TASP1: variants seen among roughly 807,000 people sequenced by gnomAD.
TASP1 encodes taspase 1.
TASP1 carries 16 observed loss-of-function variants against 56.6 expected under a neutral mutation model. The observed-to-expected ratio is 0.28, with a 90% confidence interval of 0.19 to 0.43. TASP1 has a LOEUF of 0.43. Ranked by LOEUF, TASP1 falls within the 20% of genes least tolerant of loss-of-function variation. The pLI, the probability that TASP1 is intolerant of heterozygous loss-of-function variation, is 1.00. For synonymous variants in TASP1, 179 were observed against 184.2 expected (o/e 0.97, Z 0.23); for missense variants, 393 against 511.6 (o/e 0.77, Z 2.24).
chr20:13,200,368 G>T, the TASP1 span, among the ~76,000 whole-genome samples: 1 of 152,186 alleles, frequency 6.6e-6, no homozygotes, highest in African/African-American at 2.4e-5. Flanking sequence ...TGCAAAGGGT[G>T]TCATCTCTAC....
the TASP1 span, among the ~76,000 whole-genome samples, chr20:13,265,883 G>T: frequency 3.9e-5 from 6 of 152,098 alleles, no homozygotes; most frequent in East Asian, 1.2e-3. Flanking sequence ...CAGCGTGATA[G>T]CTCCATAATA....
chr20:13,221,581 C>T, the TASP1 span, among the ~76,000 whole-genome samples: 1 of 145,630 alleles, frequency 6.9e-6, no homozygotes. Flanking sequence ...GCGGCGCCGG[C>T]AGCTCCTGCT....
chr20:13,266,620 A>C, the TASP1 span, among the ~76,000 whole-genome samples: 1 of 152,182 alleles, frequency 6.6e-6, no homozygotes, highest in African/African-American at 2.4e-5. Context: ...TTGTGGGTAA[A>C]GCAATATTTT....
chr20:13,455,338 T>C (rs759576114), intron 11 of TASP1, among the ~76,000 whole-genome samples: 1 of 152,104 alleles, frequency 6.6e-6, no homozygotes, highest in Non-Finnish European at 1.5e-5. Flanking sequence ...AAACTATGCA[T>C]GGATTTCAAA....
At chr20:13,178,008 A>C in the TASP1 span, among the ~76,000 whole-genome samples, 1 of 152,162 alleles carries the variant, frequency 6.6e-6, no homozygotes, top group African/African-American at 2.4e-5. Flanking sequence ...TACTTACCTG[A>C]CAGAGAATTA....
chr20:13,597,238 A>G (rs2147326933), intron 4 of TASP1, among the ~76,000 whole-genome samples: 1 of 152,324 alleles, frequency 6.6e-6, no homozygotes, highest in South Asian at 2.1e-4. Context: ...GAAGAAGAGG[A>G]TTTTAGACCA....
At chr20:13,278,776 A>G in the TASP1 span, among the ~76,000 whole-genome samples, 2 of 152,204 alleles carry the variant, frequency 1.3e-5, no homozygotes, top group Non-Finnish European at 2.9e-5. Flanking sequence ...TGTTGGCTAG[A>G]GTGACCCAAT....
At chr20:13,231,657 A>T in the TASP1 span, among the ~76,000 whole-genome samples, 1 of 152,332 alleles carries the variant, frequency 6.6e-6, no homozygotes, top group East Asian at 1.9e-4. Context: ...TGACTCATGC[A>T]CATTTTAGTA....
Position 13,390,184 on chromosome 20 carries a change from C to G in TASP1, c.*176G>C, listed in dbSNP as rs1451230208. The G allele has an allele frequency of 3.1e-5, 18 of 584,346 alleles. No individual in the cohort carries two copies. Among genetic ancestry groups the G allele is most frequent in the Admixed American group, 5.8e-5 (2 of 34,728 alleles). The allele number at this position is 584,346 out of a possible 1,614,324, so 36.2% of individuals were successfully genotyped here. A position where few individuals can be genotyped will look rare whatever the true frequency, so the allele number is the denominator to read the frequency against. ...CTCACACACAGTCCCGCTCACCCAC[C>G]AAAGGCCCGCGTGTCACTAAGCGCT... On this transcript the variant is annotated 3_prime_UTR_variant, in exon 14 of 14. Coordinates refer to ENST00000337743, the MANE Select transcript of TASP1 (RefSeq NM_017714.3).
At chr20:13,606,303 C>T (rs2048150119) in intron 4 of TASP1, among the ~76,000 whole-genome samples, 1 of 152,138 alleles carries the variant, frequency 6.6e-6, no homozygotes. Context: ...GGCTTTCTCC[C>T]CCATTTCATT....
At chr20:13,282,887 T>C in the TASP1 span, among the ~76,000 whole-genome samples, 84 of 152,360 alleles carry the variant, frequency 5.5e-4, 1 homozygote, top group East Asian at 0.016. Flanking sequence ...AGCAAAACTC[T>C]ACGCCCATTG....
rs760508577 is a variant in TASP1, at chr20:13,534,161, C to A, written c.676-20G>T. ...ATTTTCCTGCAGAGCAAAAGTGGCACAAGTATTCACTAGGCATGGAGTGGG... is the reference window on the plus strand; with the variant it reads ...ATTTTCCTGCAGAGCAAAAGTGGCAAAAGTATTCACTAGGCATGGAGTGGG... On this transcript the variant is annotated intron_variant, in intron 8 of 13. Coordinates refer to ENST00000337743, the MANE Select transcript of TASP1 (RefSeq NM_017714.3). The A allele has an allele frequency of 2.5e-6, 4 of 1,612,598 alleles. No homozygotes were observed. The highest frequency in any genetic ancestry group is 3.4e-6 in the Non-Finnish European group (4 of 1,179,224).
At chr20:13,635,583 T>C (rs1375116674) in intron 1 of TASP1, among the ~76,000 whole-genome samples, 2 of 152,044 alleles carry the variant, frequency 1.3e-5, no homozygotes, top group Non-Finnish European at 2.9e-5. Flanking sequence ...AGACAGGAAT[T>C]CACTATGTTG....
chr20:13,533,019 C>T (rs941907667), intron 9 of TASP1, among the ~76,000 whole-genome samples: 4 of 152,304 alleles, frequency 2.6e-5, no homozygotes, highest in East Asian at 1.9e-4. Flanking sequence ...TTCTTCCCTT[C>T]CCCTTTTTCC....
chr20:13,283,463 G>C, the TASP1 span, among the ~76,000 whole-genome samples: 126 of 152,208 alleles, frequency 8.3e-4, 1 homozygote, highest in East Asian at 8.1e-3. Flanking sequence ...ATATTTGTCC[G>C]CAAGGATTAT....
chr20:13,495,620 C>G (rs2043692781), intron 10 of TASP1, among the ~76,000 whole-genome samples: 1 of 152,066 alleles, frequency 6.6e-6, no homozygotes, highest in Non-Finnish European at 1.5e-5. Context: ...GGGCAAAATA[C>G]AGGAAGGCCA....
chr20:13,616,462 C>A (rs2048528763), intron 4 of TASP1, among the ~76,000 whole-genome samples: 1 of 151,906 alleles, frequency 6.6e-6, no homozygotes, highest in South Asian at 2.1e-4. Context: ...ATCCACATAC[C>A]TCATCAAGAA....
intron 2 of TASP1, among the ~76,000 whole-genome samples, chr20:13,626,201 G>C (rs189952962): frequency 6.6e-6 from 1 of 152,234 alleles, no homozygotes; most frequent in Non-Finnish European, 1.5e-5. Flanking sequence ...GAGGCGGGAG[G>C]ATCACTTGAG....
chr20:13,565,674 T>C (rs2046502602), intron 7 of TASP1, among the ~76,000 whole-genome samples: 1 of 152,118 alleles, frequency 6.6e-6, no homozygotes, highest in Admixed American at 6.5e-5. Context: ...GCCAACTATT[T>C]TTTAAAAAGT....
Sources: allele counts gnomAD v4.1 joint callset (sites outside exome capture counted in the v4.1 genomes callset), GRCh38; gene constraint gnomAD v4.1.1; transcripts MANE v1.5; gene names NCBI Gene and HGNC (gene_info 2026-07-23, HGNC 2026-07-21).